The following SNRPN variants were observed in gnomAD, a reference collection of about 807,000 sequenced individuals.
The protein encoded by SNRPN is small nuclear ribonucleoprotein polypeptide N.
In SNRPN, 7 loss-of-function variants were observed where a neutral mutation model predicts 25.2. That is an observed-to-expected ratio of 0.28 (90% confidence interval 0.16 to 0.52). SNRPN has a LOEUF of 0.52. SNRPN is among the 20% of genes least tolerant of loss of function. The probability of loss-of-function intolerance (pLI) is 0.96; values close to 1 mark genes in which losing one functional copy is unlikely to be tolerated. For synonymous variants in SNRPN, 124 were observed against 110.6 expected (o/e 1.12, Z -0.76); for missense variants, 196 against 322.5 (o/e 0.61, Z 3.00).
rs553284408 is a variant in SNRPN at position 24,843,103 on chromosome 15, C to T, written c.-579+13198C>T. The stretch of plus-strand genomic sequence containing the variant: ...TATGTTTTTTTTTAAGACAGAGTTT[C>T]GCTCCTGTTGCCCAGGTTGGAGTGC... On this transcript the variant is annotated intron_variant, in intron 2 of 12. Transcript: ENST00000400100. Among the ~76,000 whole-genome samples, 10 of 152,018 alleles carry T rather than the reference C, an allele frequency of 6.6e-5. 1 individual carries two copies. The highest frequency in any genetic ancestry group is 3.3e-4 in the Admixed American group (5 of 15,248).
intron 3 of SNRPN, among the ~76,000 whole-genome samples, chr15:24,930,328 ATATAT>A (rs1375279072): frequency 1.3e-5 from 2 of 151,654 alleles, no homozygotes; most frequent in African/African-American, 4.8e-5. Flanking sequence ...AGATGGAGAA[ATATAT>A]TATTTTACAT....
intron 1 of SNRPN, among the ~76,000 whole-genome samples, chr15:24,860,822 T>C (rs2053921766): frequency 1.3e-5 from 2 of 152,246 alleles, no homozygotes; most frequent in Admixed American, 1.3e-4. Context: ...AGTTGAATCA[T>C]AGCAAGTGAG....
At chr15:24,918,592 A>G (rs1247081973) in intron 2 of SNRPN, among the ~76,000 whole-genome samples, 2 of 99,802 alleles carry the variant, frequency 2.0e-5, no homozygotes, top group Admixed American at 2.4e-4. Context: ...AACATAATAT[A>G]TATGTATATA....
chr15:24,918,718 CATAATAT>C (rs2059766383), intron 2 of SNRPN, among the ~76,000 whole-genome samples: 1 of 89,438 alleles, frequency 1.1e-5, no homozygotes, highest in Non-Finnish European at 2.1e-5. Context: ...ATATATATAA[CATAATAT>C]ATATGTGTGC....
At chr15:24,951,326 C>A (rs76772720), upstream of SNRPN, among the ~76,000 whole-genome samples, 576 of 152,238 alleles carry the variant, frequency 3.8e-3, 5 homozygotes, top group African/African-American at 0.013. Context: ...TCCTCCACAA[C>A]CCTTGTCATT....
chr15:24,974,894 CAGG>C (rs2076888807), intron 4 of SNRPN: 1 of 702,352 alleles, frequency 1.4e-6, no homozygotes, highest in African/African-American at 1.7e-5. Flanking sequence ...TGAGAAAATA[CAGG>C]AGTTTTTGGT....
intron 1 of SNRPN, among the ~76,000 whole-genome samples, chr15:24,961,543 C>T (rs959249302): frequency 6.6e-5 from 10 of 151,982 alleles, no homozygotes; most frequent in African/African-American, 1.5e-4. Flanking sequence ...CGTAACATGG[C>T]GGGTTTTTTG....
chr15:24,941,872 G>A (rs1017233566), intron 3 of SNRPN, among the ~76,000 whole-genome samples: 1 of 151,982 alleles, frequency 6.6e-6, no homozygotes, highest in Non-Finnish European at 1.5e-5. Flanking sequence ...TCTGCTGCCC[G>A]GGGTTCAAAC....
intron 1 of SNRPN, among the ~76,000 whole-genome samples, chr15:24,878,082 G>C (rs1296836975): frequency 6.6e-6 from 1 of 152,204 alleles, no homozygotes; most frequent in Admixed American, 6.5e-5. Flanking sequence ...AAATCCTTGA[G>C]TAAATGAGTG....
rs183861548 is a variant in SNRPN, at chr15:24,837,591, G to T, written c.-579+7686G>T. Among the ~76,000 whole-genome samples, 5 of 151,812 alleles carry T rather than the reference G, an allele frequency of 3.3e-5. No individual in the cohort carries two copies. The East Asian group carries it at 9.7e-4, about 30-fold the overall frequency. ...TCACCGTGTTAGCTAGGATGGTCTC[G>T]ATCTCCTGACTTCGTGATCCACCCG... On this transcript the variant is annotated intron_variant, in intron 2 of 12. Coordinates refer to the SNRPN transcript ENST00000400100.
At chr15:24,946,346 G>A (rs2061883136) in intron 3 of SNRPN, among the ~76,000 whole-genome samples, 1 of 152,178 alleles carries the variant, frequency 6.6e-6, no homozygotes, top group Admixed American at 6.5e-5. Flanking sequence ...GGTCGAGGCT[G>A]CAGTGACCCA....
chr15:24,887,653 A>C (rs1465625913), intron 2 of SNRPN, among the ~76,000 whole-genome samples: 2 of 152,188 alleles, frequency 1.3e-5, no homozygotes, highest in African/African-American at 4.8e-5. Context: ...GAAAAATGTA[A>C]CCGAAAATTA....
At chr15:24,882,373 A>G (rs777718783) in intron 1 of SNRPN, among the ~76,000 whole-genome samples, 1 of 152,188 alleles carries the variant, frequency 6.6e-6, no homozygotes, top group Non-Finnish European at 1.5e-5. Context: ...TACTTGCAAT[A>G]TTTTAGCAAG....
intron 6 of SNRPN, among the ~76,000 whole-genome samples, chr15:24,976,667 T>G (rs2077092438): frequency 6.6e-6 from 1 of 152,224 alleles, no homozygotes. Flanking sequence ...GGTATGTTTA[T>G]AAAAGAGGTG....
chr15:24,976,308 A>G lies in SNRPN; in HGVS notation c.159A>G (p.Pro53=). 6.2e-7 allele frequency: 1 copy of G among 1,613,444 alleles called. No individual in the cohort carries two copies. Among genetic ancestry groups the G allele is most frequent in the African/African-American group, 1.3e-5 (1 of 75,030 alleles). The change falls in exon 6 of 10, where the codon CCA becomes CCG. Residue 53 remains proline, a synonymous_variant. Transcript: ENST00000390687. The part of the protein sequence containing the change: ...CDCDEFRKIK[P]KNAKQPEREE... ...AAAATTTAATTCTGATTTGTAGGCC[A>G]AAGAATGCGAAGCAACCAGAGCGTG...
rs1322162194 is a variant in SNRPN at position 24,976,297 on chromosome 15, A to T, written c.156-8A>T. 44 of 1,611,658 alleles carry T rather than the reference A, an allele frequency of 2.7e-5. No homozygotes were observed. Among genetic ancestry groups the T allele is most frequent in the Non-Finnish European group, 3.7e-5 (43 of 1,177,962 alleles). On this transcript the variant is annotated splice_region_variant and splice_polypyrimidine_tract_variant and intron_variant, in intron 5 of 9. Coordinates refer to ENST00000390687, the MANE Select transcript of SNRPN (RefSeq NM_003097.6). ...TTTATCTCACTAAAATTTAATTCTGATTTGTAGGCCAAAGAATGCGAAGCA... is the reference window on the plus strand; with the variant it reads ...TTTATCTCACTAAAATTTAATTCTGTTTTGTAGGCCAAAGAATGCGAAGCA...
At position 24,972,382 on chromosome 15, in the gene SNRPN, T is replaced by C. The variant is rs78275391; in HGVS notation, c.-143-1929T>C. Among the ~76,000 whole-genome samples, 4 of 152,224 alleles carry C rather than the reference T, an allele frequency of 2.6e-5. No homozygotes were observed. The East Asian group carries it at 7.7e-4, about 29-fold the overall frequency. ...TAAGTTATAGTCCTTAAACTCTTAC[T>C]CATATTTAGGACAGAAACTACATTT... On this transcript the variant is annotated intron_variant, in intron 3 of 9. Transcript: ENST00000390687.
chr15:24,903,148 C>G (rs2058577403), intron 2 of SNRPN, among the ~76,000 whole-genome samples: 1 of 152,194 alleles, frequency 6.6e-6, no homozygotes, highest in Admixed American at 6.5e-5. Flanking sequence ...CTCTCAGAAC[C>G]ACAGATACAA....
chr15:24,840,754 T>G (rs2051617533), intron 2 of SNRPN, among the ~76,000 whole-genome samples: 1 of 152,178 alleles, frequency 6.6e-6, no homozygotes, highest in Non-Finnish European at 1.5e-5. Flanking sequence ...GGATACTGTT[T>G]TGGCTTCTTG....
Sources: allele counts gnomAD v4.1 joint callset (sites outside exome capture counted in the v4.1 genomes callset), GRCh38; gene constraint gnomAD v4.1.1; transcripts MANE v1.5; gene names NCBI Gene and HGNC (gene_info 2026-07-23, HGNC 2026-07-21).